CGNL1: variants seen among roughly 807,000 people sequenced by gnomAD.
CGNL1 encodes the protein cingulin like 1.
A neutral mutation model predicts 141.2 loss-of-function variants in CGNL1; 132 were observed. The ratio of observed to expected loss-of-function variants is 0.93; its 90% CI spans 0.81 to 1.08. The LOEUF (loss-of-function observed/expected upper bound fraction) is 1.08, where lower values mean the gene tolerates loss of function less well. Among genes scored for constraint, CGNL1 ranks in the 50% least tolerant of loss-of-function variants. The probability of loss-of-function intolerance (pLI) is 0.00; values close to 1 mark genes in which losing one functional copy is unlikely to be tolerated. For synonymous variants in CGNL1, 690 were observed against 622.1 expected (o/e 1.11, Z -1.63); for missense variants, 1,870 against 1,588.6 (o/e 1.18, Z -3.01).
chr15:57,383,879 T>C (rs531190780), intron 1 of CGNL1, among the ~76,000 whole-genome samples: 1 of 152,128 alleles, frequency 6.6e-6, no homozygotes, highest in Admixed American at 6.6e-5. Context: ...GCTCAAGCCA[T>C]CCACCCACCT....
intron 14 of CGNL1, among the ~76,000 whole-genome samples, chr15:57,534,515 C>A (rs1331856494): frequency 6.6e-6 from 1 of 152,174 alleles, no homozygotes; most frequent in South Asian, 2.1e-4. Flanking sequence ...TTATTTCCTG[C>A]CTCTTGAAAT....
At chr15:57,489,695 C>G (rs189559503) in intron 8 of CGNL1, among the ~76,000 whole-genome samples, 1 of 152,272 alleles carries the variant, frequency 6.6e-6, no homozygotes, top group East Asian at 1.9e-4. Flanking sequence ...TGTCTTAGCA[C>G]TATTCTGTTC....
chr15:57,394,864 T>C (rs2062585465), intron 1 of CGNL1, among the ~76,000 whole-genome samples: 1 of 152,142 alleles, frequency 6.6e-6, no homozygotes, highest in African/African-American at 2.4e-5. Flanking sequence ...GTAATCCCAG[T>C]ACTTTGGGAG....
intron 8 of CGNL1, among the ~76,000 whole-genome samples, chr15:57,514,341 G>A (rs576107919): frequency 4.6e-5 from 7 of 152,174 alleles, no homozygotes; most frequent in Non-Finnish European, 1.0e-4. Flanking sequence ...TAGTAGAGAT[G>A]GGGTTTTATC....
chr15:57,544,534 G>A lies in CGNL1; in HGVS notation c.3437G>A (p.Gly1146Glu). The change falls in exon 16 of 19, where the codon GGG (glycine) becomes GAG (glutamate). Residue 1146 changes from glycine (G) to glutamate (E), a missense_variant. By Grantham distance (98) the Gly-to-Glu change is moderately conservative. Transcript: ENST00000281282. ...GGTTCCTACAGGTCCAGCAAAGAGG[G>A]GCTGGTTGTGCAGATGGAGGCCAGG... ...LEGSYRSSKE[G>E]LVVQMEARIA... 1 of 1,612,246 alleles carries A rather than the reference G, an allele frequency of 6.2e-7. No individual in the cohort carries two copies. The highest frequency in any genetic ancestry group is 8.5e-7 in the Non-Finnish European group (1 of 1,179,242).
At chr15:57,406,735 C>A (rs529662546) in intron 1 of CGNL1, among the ~76,000 whole-genome samples, 3 of 152,196 alleles carry the variant, frequency 2.0e-5, no homozygotes, top group Non-Finnish European at 4.4e-5. Context: ...ATCAAACTTA[C>A]ATAAGTACTG....
intron 8 of CGNL1, among the ~76,000 whole-genome samples, chr15:57,506,980 T>A (rs1450357165): frequency 6.6e-6 from 1 of 152,190 alleles, no homozygotes; most frequent in Non-Finnish European, 1.5e-5. Context: ...CAGTGTGCAG[T>A]TCAGTGGTTT....
At chr15:57,454,223 A>G (rs113101660) in intron 7 of CGNL1, among the ~76,000 whole-genome samples, 3 of 152,302 alleles carry the variant, frequency 2.0e-5, no homozygotes, top group African/African-American at 7.2e-5. Flanking sequence ...CCTGTATTCT[A>G]GCATAGTTTT....
intron 1 of CGNL1, among the ~76,000 whole-genome samples, chr15:57,389,272 AAAAG>A (rs2062516923): frequency 1.3e-5 from 2 of 152,220 alleles, no homozygotes; most frequent in African/African-American, 2.4e-5. Flanking sequence ...AGCCTGGGCA[AAAAG>A]AACAAAACTC....
In CGNL1 at chr15:57,505,216, T is replaced by C. The variant is rs1233696246; in HGVS notation, c.2404-11564T>C. Among the ~76,000 whole-genome samples the C allele has an allele frequency of 2.0e-5, 3 of 152,184 alleles. No individual in the cohort carries two copies. The East Asian group carries it at 5.8e-4, about 29-fold the overall frequency. On this transcript the variant is annotated intron_variant, in intron 8 of 18. Transcript: ENST00000281282. Reference sequence around the variant, plus strand: ...GTAACTTCTGGGTGGTACACAGTAATTCCTTCCTGGACACTGTTTGCTGTG... The same window carrying C: ...GTAACTTCTGGGTGGTACACAGTAACTCCTTCCTGGACACTGTTTGCTGTG...
At chr15:57,451,622 G>A (rs747280397) in intron 5 of CGNL1, 21 bp downstream of exon 5, 2 of 1,538,052 alleles carry the variant, frequency 1.3e-6, no homozygotes, top group South Asian at 1.2e-5. Context: ...TTTCCTTTAT[G>A]TTATTTTTTC....
intron 5 of CGNL1, among the ~76,000 whole-genome samples, chr15:57,451,897 T>C (rs2063326781): frequency 6.6e-6 from 1 of 152,190 alleles, no homozygotes; most frequent in Admixed American, 6.5e-5. Flanking sequence ...AACTAAATCA[T>C]AGAAATAGCA....
At chr15:57,382,656 C>T (rs537685393) in intron 1 of CGNL1, among the ~76,000 whole-genome samples, 1 of 152,290 alleles carries the variant, frequency 6.6e-6, no homozygotes, top group South Asian at 2.1e-4. Context: ...GACCTTTTCC[C>T]TTAGTTTTCT....
At chr15:57,379,959 C>T (rs1664468) in intron 1 of CGNL1, among the ~76,000 whole-genome samples, 150,728 of 152,304 alleles carry the variant, frequency 0.99, 74,611 homozygotes, top group Middle Eastern at 1. Context: ...TACTTCTCTC[C>T]TCATGCACCC....
At position 57,459,880 on chromosome 15, in the gene CGNL1, C is replaced by T. The variant is rs557205305; in HGVS notation, c.2191-1800C>T. On this transcript the variant is annotated intron_variant, in intron 7 of 18. Coordinates refer to ENST00000281282, the MANE Select transcript of CGNL1 (RefSeq NM_032866.5). ...TCTTGAAATTGTAATCTTACTGAAT[C>T]TGAGGTGCCACAGGACATCCAGATG... is the stretch of plus-strand genomic sequence containing the variant. Among the ~76,000 whole-genome samples the T allele has an allele frequency of 6.6e-5, 10 of 152,288 alleles. No individual in the cohort carries two copies. In the South Asian group the frequency reaches 2.1e-3, roughly 32 times the overall value.
At chr15:57,516,706 C>G in intron 8 of CGNL1, 74 bp from the exon 9 acceptor site, 6 of 1,481,062 alleles carry the variant, frequency 4.1e-6, no homozygotes, top group Non-Finnish European at 5.6e-6. Flanking sequence ...TTCATAAATG[C>G]CAGCCATTCT....
rs112915817 is a variant in CGNL1, at chr15:57,419,000, T to C, written c.-15-18985T>C. Among the ~76,000 whole-genome samples the C allele has an allele frequency of 6.7e-3, 1,014 of 152,002 alleles. 11 individuals are homozygous for C. Among genetic ancestry groups the C allele is most frequent in the African/African-American group, 0.022 (926 of 41,432 alleles). The stretch of plus-strand genomic sequence containing the variant: ...TGGTGTGCAGTGGCGCAATCTCGGC[T>C]CACTGCAACCTCCGCCTCCCGGATT... On this transcript the variant is annotated intron_variant, in intron 1 of 18. Transcript: ENST00000281282.
At chr15:57,461,951 T>A (rs2063453113) in intron 8 of CGNL1, 59 bp downstream of exon 8, 1 of 1,262,070 alleles carries the variant, frequency 7.9e-7, no homozygotes. Context: ...AGACCCTCTC[T>A]CCCACACCAC....
chr15:57,411,180 G>A lies in CGNL1; in HGVS notation c.-15-26805G>A, dbSNP rs139850734. ...CACAGAGACTTTTCTGACATGAGCC[G>A]GTCTCTGAGTCTTCCTTTTTAGAAT... On this transcript the variant is annotated intron_variant, in intron 1 of 18. Transcript: ENST00000281282. Among the ~76,000 whole-genome samples, 99 of 152,262 alleles carry A rather than the reference G, an allele frequency of 6.5e-4. No homozygotes were observed. In the East Asian group the frequency reaches 0.011, roughly 16 times the overall value.
Sources: gnomAD v4.1 joint callset for allele counts (sites outside exome capture counted in the v4.1 genomes callset) on GRCh38, gnomAD v4.1.1 for gene constraint, MANE v1.5 for transcripts, NCBI Gene and HGNC (gene_info 2026-07-23, HGNC 2026-07-21) for gene names.